The following POLG variants were observed in gnomAD, a reference collection of about 807,000 sequenced individuals.
POLG encodes DNA polymerase gamma, catalytic subunit.
In POLG, 110 loss-of-function variants were observed where a neutral mutation model predicts 155.4. The observed-to-expected ratio is 0.71, with a 90% CI of 0.61 to 0.83. The LOEUF (loss-of-function observed/expected upper bound fraction) is 0.83. Among genes scored for constraint, POLG ranks in the 40% least tolerant of loss-of-function variants. The probability of loss-of-function intolerance (pLI) is 0.00; values close to 1 mark genes in which losing one functional copy is unlikely to be tolerated. For synonymous variants in POLG, 701 were observed against 631.5 expected (o/e 1.11, Z -1.65); for missense variants, 1,685 against 1,627.5 (o/e 1.04, Z -0.61).
chr15:89,326,988 C>A lies in POLG; in HGVS notation c.1509G>T (p.Val503=). 1.2e-6 allele frequency: 2 copies of A among 1,614,262 alleles called. No homozygotes were observed. Among genetic ancestry groups the A allele is most frequent in the African/African-American group, 2.7e-5 (2 of 75,072 alleles). Residue 503 remains valine, a synonymous_variant, in exon 8 of 23, where the codon GTG becomes GTT. Coordinates refer to ENST00000268124, the MANE Select transcript of POLG (RefSeq NM_002693.3). The stretch of plus-strand genomic sequence containing the variant: ...TGCTGGCTGTGGCTGGTTCCTTCTT[C>A]ACCTTCTTAGCTTTCTTCTGCTTAA... ...QEFKQKKAKK[V]KKEPATASKL... is the part of the protein sequence containing the mutation.
chr15:89,329,147 G>C, intron 3 of POLG, 37 bp from the exon 4 acceptor site: 2 of 1,575,872 alleles, frequency 1.3e-6, no homozygotes, highest in African/African-American at 1.3e-5. Flanking sequence ...GGGAAGGAGG[G>C]AGGCTGCAAC....
At chr15:89,330,869 G>T (rs2055585265) in intron 2 of POLG, among the ~76,000 whole-genome samples, 1 of 146,414 alleles carries the variant, frequency 6.8e-6, no homozygotes, top group Admixed American at 6.7e-5. Flanking sequence ...CAGGGAAAGT[G>T]CCAGAATGAG....
At position 89,327,245 on chromosome 15, in the gene POLG, T is replaced by C. The variant is rs2152067095; in HGVS notation, c.1355A>G (p.Tyr452Cys). The change falls in exon 7 of 23, where the codon TAT becomes TGT. Residue 452 changes from tyrosine to cysteine, a missense_variant. Tyr to Cys is a radical substitution (Grantham distance 194). This residue lies in a region of POLG where 1,210 missense variants were observed against 1,167.1 expected (regional missense o/e 1.04). Coordinates refer to ENST00000268124, the MANE Select transcript of POLG (RefSeq NM_002693.3). Reference sequence around the variant, plus strand: ...CTTCATCTCCCGCTGGAGCTCCTCATAAGTGCCCTGTGCCTCTGCCAGGTA... The same window carrying C: ...CTTCATCTCCCGCTGGAGCTCCTCACAAGTGCCCTGTGCCTCTGCCAGGTA... ...ERYLAEAQGT[Y>C]EELQREMKKS... 1 of 1,614,214 alleles carries C rather than the reference T, an allele frequency of 6.2e-7. No individual in the cohort carries two copies. The highest frequency in any genetic ancestry group is 8.5e-7 in the Non-Finnish European group (1 of 1,180,042).
chr15:89,329,015 C>T lies in POLG; in HGVS notation c.951G>A (p.Gln317=). The change falls in exon 4 of 23, where the codon CAG becomes CAA. Residue 317 remains glutamine (Q), a synonymous_variant. Coordinates refer to ENST00000268124, the MANE Select transcript of POLG (RefSeq NM_002693.3). ...TGGGGGGCTGGACCTTGTGTTTGCC[C>T]TGCTTGGCTGCTATCCACAGACTGC... The part of the protein sequence containing the change: ...FQRSLWIAAK[Q]GKHKVQPPTK... 1 of 1,613,462 alleles carries T rather than the reference C, an allele frequency of 6.2e-7. No homozygotes were observed. Among genetic ancestry groups the T allele is most frequent in the Non-Finnish European group, 8.5e-7 (1 of 1,180,044 alleles).
Position 89,321,166 on chromosome 15 carries a change from A to G in POLG, c.2693T>C (p.Ile898Thr), listed in dbSNP as rs886041047. 6.2e-7 allele frequency: 1 copy of G among 1,614,216 alleles called. No individual in the cohort carries two copies. Among genetic ancestry groups the G allele is most frequent in the Non-Finnish European group, 8.5e-7 (1 of 1,180,034 alleles). ...GADVDSQELWIAAVLGDAHFA... is the reference protein window; with the variant it reads ...GADVDSQELWTAAVLGDAHFA... ...GTGGGCGTCTCCAAGCACAGCTGCAATCCACAGCTCTTGGGAGTCCACATC... is the reference window on the plus strand; with the variant it reads ...GTGGGCGTCTCCAAGCACAGCTGCAGTCCACAGCTCTTGGGAGTCCACATC... Residue 898 changes from isoleucine (I) to threonine (T), a missense_variant, in exon 17 of 23, where the codon ATT becomes ACT. Physicochemically the swap from Ile to Thr is moderately conservative, Grantham distance 89. This residue lies in a region of POLG where 5 missense variants were observed against 20.5 expected (regional missense o/e 0.24). Transcript: ENST00000268124.
Position 89,319,088 on chromosome 15 carries a change from T to C in POLG, c.3116A>G (p.Lys1039Arg), listed in dbSNP as rs2055354815. Residue 1039 changes from lysine to arginine, a missense_variant, in exon 20 of 23, where the codon AAG becomes AGG. Physicochemically the swap from Lys to Arg is conservative, Grantham distance 26. Coordinates refer to ENST00000268124, the MANE Select transcript of POLG (RefSeq NM_002693.3). ...QRETARKSQWKKWEVVAERAW... is the reference protein window; with the variant it reads ...QRETARKSQWRKWEVVAERAW... ...CCGTTCAGCAACCACCTCCCACTTC[T>C]TCCACTGTGACCTAAGGGACCAGAA... 3 of 1,614,048 alleles carry C rather than the reference T, an allele frequency of 1.9e-6. No individual in the cohort carries two copies. In the South Asian group the frequency reaches 3.3e-5, roughly 18 times the overall value.
At chr15:89,325,988 G>A (rs1046775256) in intron 9 of POLG, among the ~76,000 whole-genome samples, 3 of 152,148 alleles carry the variant, frequency 2.0e-5, no homozygotes, top group African/African-American at 4.8e-5. Flanking sequence ...TTCATCCAGG[G>A]TAACTGACCA....
At chr15:89,326,376 T>C (rs950006784) in intron 9 of POLG, among the ~76,000 whole-genome samples, 4 of 152,212 alleles carry the variant, frequency 2.6e-5, no homozygotes, top group Admixed American at 6.5e-5. Context: ...GTACACCCGG[T>C]GGCTGCCACG....
chr15:89,325,077 TGAGTGA>T (rs1213383148), intron 10 of POLG, among the ~76,000 whole-genome samples: 3 of 72,892 alleles, frequency 4.1e-5, no homozygotes, highest in African/African-American at 1.5e-4. Context: ...AGTGAGTGAG[TGAGTGA>T]GAGAGTGAGT....
intron 12 of POLG, 109 bp downstream of exon 12, chr15:89,323,706 C>T (rs1301568976): frequency 4.0e-6 from 4 of 1,011,020 alleles, no homozygotes; most frequent in African/African-American, 3.2e-5. Flanking sequence ...GTGGCATCTC[C>T]AACCCCCTTA....
At position 89,325,550 on chromosome 15, in the gene POLG, GCT is replaced by G; in HGVS notation, c.1847_1848del (p.Glu616AlafsTer67). The G allele has an allele frequency of 6.2e-7, 1 of 1,613,346 alleles. No homozygotes were observed. Among genetic ancestry groups the G allele is most frequent in the Non-Finnish European group, 8.5e-7 (1 of 1,179,952 alleles). Reference protein sequence around the residue: ...TWDGFPLHYSERHGWGYLVPG... With the variant: ...TWDGFPLHYSXRHGWGYLVPG... ...GGCACCAAGTAGCCCCAGCCATGACGCTCTGAGTAGTGCAGAGGGAAGCCATC... is the reference window on the plus strand; with the variant it reads ...GGCACCAAGTAGCCCCAGCCATGACGCTGAGTAGTGCAGAGGGAAGCCATC... On this transcript the variant is annotated frameshift_variant, in exon 10 of 23. Coordinates refer to ENST00000268124, the MANE Select transcript of POLG (RefSeq NM_002693.3). LOFTEE classifies it high-confidence loss of function.
At position 89,333,314 on chromosome 15, in the gene POLG, G is replaced by A. The variant is rs2141814842; in HGVS notation, c.441C>T (p.Ser147=). The A allele has an allele frequency of 2.6e-6, 4 of 1,557,298 alleles. No individual in the cohort carries two copies. Among genetic ancestry groups the A allele is most frequent in the Non-Finnish European group, 3.5e-6 (4 of 1,151,230 alleles). Residue 147 remains serine, a synonymous_variant, in exon 2 of 23, where the codon AGC becomes AGT. Transcript: ENST00000268124. ...AGTTGGCCGCCTCCAGGTAGGGCAG[G>A]CTCTGCTTCTGGGCCAGGAGGCGGA... ...QHFRLLAQKQ[S]LPYLEAANLL... is the part of the protein sequence containing the mutation.
At chr15:89,317,260 T>C in intron 22 of POLG, 116 bp downstream of exon 22, 1 of 864,618 alleles carries the variant, frequency 1.2e-6, no homozygotes, top group Admixed American at 1.9e-5. Context: ...TAGCCTAGAA[T>C]ATAGCCTGAG....
chr15:89,334,032 A>G (rs1035722337), intron 1 of POLG, 119 bp from the exon 2 acceptor site: 7 of 518,750 alleles, frequency 1.3e-5, no homozygotes, highest in African/African-American at 1.0e-4. Flanking sequence ...CTTCAGTTGC[A>G]TTTTCCGTTA....
chr15:89,323,609 C>T (rs1185439486), intron 12 of POLG, 98 bp from the exon 13 acceptor site: 2 of 869,000 alleles, frequency 2.3e-6, no homozygotes, highest in African/African-American at 1.7e-5. Context: ...AAACTGTCGT[C>T]ATCAGCTGGG....
intron 10 of POLG, among the ~76,000 whole-genome samples, chr15:89,324,756 G>A (rs1471661064): frequency 1.3e-5 from 2 of 152,186 alleles, no homozygotes; most frequent in Non-Finnish European, 2.9e-5. Flanking sequence ...CTACAACATG[G>A]GGATAACCAT....
Position 89,333,595 on chromosome 15 carries a change from G to GAGGC in POLG, c.159_160insGCCT (p.Gln54AlafsTer191), listed in dbSNP as rs796052877. ...AGCACTTGCGGCTGCTGAGGCTGCT[G>GAGGC]TTGCTGCTGCTGCTGCTGCTGCTGC... On this transcript the variant is annotated frameshift_variant, in exon 2 of 23. Transcript: ENST00000268124. LOFTEE classifies it high-confidence loss of function. The GAGGC allele has an allele frequency of 1.2e-6, 2 of 1,605,600 alleles. No homozygotes were observed. The highest frequency in any genetic ancestry group is 1.1e-5 in the South Asian group (1 of 90,868).
chr15:89,326,771 G>A (rs767302524), intron 8 of POLG, 33 bp from the exon 9 acceptor site: 2 of 1,613,894 alleles, frequency 1.2e-6, no homozygotes, highest in Non-Finnish European at 1.7e-6. Context: ...TCAGGAGCAG[G>A]AGAAGGAACT....
intron 11 of POLG, 83 bp downstream of exon 11, chr15:89,324,024 C>G (rs1346770290): frequency 6.3e-6 from 10 of 1,593,120 alleles, no homozygotes; most frequent in Non-Finnish European, 8.6e-6. Flanking sequence ...CAGTGCCAGC[C>G]TCCCACCCAA....
Sources: gnomAD v4.1 joint callset for allele counts (sites outside exome capture counted in the v4.1 genomes callset) on GRCh38, gnomAD v4.1.1 for gene constraint, gnomAD v4.1.1 regional missense constraint, MANE v1.5 for transcripts, NCBI Gene and HGNC (gene_info 2026-07-23, HGNC 2026-07-21) for gene names.